Variants in CMIP observed in about 807,000 individuals in gnomAD.
CMIP encodes C-Maf-inducing protein.
CMIP carries 13 observed loss-of-function variants against 97.3 expected under a neutral mutation model. That is an observed-to-expected ratio of 0.13 (90% CI 0.09 to 0.21). CMIP has a LOEUF of 0.21. CMIP is among the 10% of genes least tolerant of loss of function. CMIP has a pLI of 1.00. For missense variants in CMIP, 847 were observed against 1,024.9 expected, an observed-to-expected ratio of 0.83 and a Z score of 2.37; for synonymous variants, 538 against 436.3, an observed-to-expected ratio of 1.23 and a Z score of -2.91.
intron 1 of CMIP, among the ~76,000 whole-genome samples, chr16:81,486,831 A>C (rs549832598): frequency 7.9e-5 from 12 of 152,382 alleles, no homozygotes; most frequent in African/African-American, 2.9e-4. Flanking sequence ...AATGAAGTAA[A>C]TGAGTGAGTT....
At chr16:81,537,631 T>C (rs1415322490) in intron 1 of CMIP, among the ~76,000 whole-genome samples, 1 of 149,852 alleles carries the variant, frequency 6.7e-6, no homozygotes, top group Non-Finnish European at 1.5e-5. Context: ...TTTGAGAAGC[T>C]GAGATGGGAG....
intron 3 of CMIP, among the ~76,000 whole-genome samples, chr16:81,651,793 C>T (rs916858445): frequency 2.6e-5 from 4 of 152,178 alleles, no homozygotes; most frequent in African/African-American, 9.6e-5. Context: ...AGGGCACTGG[C>T]TTGAGAGCCC....
At chr16:81,698,510 G>C (rs1443079597) in intron 14 of CMIP, among the ~76,000 whole-genome samples, 14 of 152,194 alleles carry the variant, frequency 9.2e-5, no homozygotes, top group Non-Finnish European at 5.9e-5. Context: ...AGGCTGCCTA[G>C]AAGTTTCTAC....
intron 13 of CMIP, among the ~76,000 whole-genome samples, chr16:81,694,439 A>T (rs1374005959): frequency 6.6e-6 from 1 of 152,198 alleles, no homozygotes; most frequent in Non-Finnish European, 1.5e-5. Context: ...GGACTTAGCT[A>T]AATGGGTCAA....
intron 1 of CMIP, among the ~76,000 whole-genome samples, chr16:81,495,944 C>G (rs2089482246): frequency 6.6e-6 from 1 of 152,332 alleles, no homozygotes; most frequent in African/African-American, 2.4e-5. Flanking sequence ...CCCAGCTCCC[C>G]CAGCTCCGAG....
chr16:81,529,643 G>A (rs751709631), intron 1 of CMIP, among the ~76,000 whole-genome samples: 1 of 152,230 alleles, frequency 6.6e-6, no homozygotes, highest in Non-Finnish European at 1.5e-5. Context: ...AGGGGGGCCA[G>A]TGTCATCACA....
intron 13 of CMIP, among the ~76,000 whole-genome samples, chr16:81,694,974 G>C (rs887242944): frequency 6.6e-6 from 1 of 152,210 alleles, no homozygotes; most frequent in Non-Finnish European, 1.5e-5. Context: ...TGAAGACAGC[G>C]TCTCAGAATT....
At chr16:81,644,946 A>G (rs1467713480) in intron 3 of CMIP, among the ~76,000 whole-genome samples, 1 of 152,188 alleles carries the variant, frequency 6.6e-6, no homozygotes, top group East Asian at 1.9e-4. Flanking sequence ...GCAAACATGC[A>G]TGCTCCTGGG....
At chr16:81,609,836 A>C (rs759073827) in intron 2 of CMIP, among the ~76,000 whole-genome samples, 2 of 152,166 alleles carry the variant, frequency 1.3e-5, no homozygotes, top group Non-Finnish European at 2.9e-5. Context: ...GGGGCTGTGG[A>C]TATGTCTAGA....
At chr16:81,486,631 G>C (rs1287443211) in intron 1 of CMIP, among the ~76,000 whole-genome samples, 1 of 152,180 alleles carries the variant, frequency 6.6e-6, no homozygotes, top group Non-Finnish European at 1.5e-5. Flanking sequence ...GGTGAGGCTG[G>C]AGTGGGCCGG....
intron 1 of CMIP, among the ~76,000 whole-genome samples, chr16:81,468,770 C>T (rs1418540409): frequency 6.6e-6 from 1 of 152,214 alleles, no homozygotes; most frequent in Non-Finnish European, 1.5e-5. Context: ...TGGGTCCGCT[C>T]AGGCCAGGAG....
chr16:81,597,679 G>A (rs72829087), intron 1 of CMIP, among the ~76,000 whole-genome samples: 26,327 of 151,544 alleles, frequency 0.17, 3,210 homozygotes, highest in East Asian at 0.44. Flanking sequence ...CACCAACTCC[G>A]TGGGGCTCCA....
At position 81,685,476 on chromosome 16, in the gene CMIP, CCTT is replaced by C. The variant is rs768047768; in HGVS notation, c.1389-6298_1389-6296del. On this transcript the variant is annotated intron_variant, in intron 10 of 20. Coordinates refer to ENST00000537098, the MANE Select transcript of CMIP (RefSeq NM_198390.3). ...TCTGATTGTGGGTGATTTCAAATCT[CCTT>C]AGAGTTCTGCATTTCATGACATTTC... 9.2e-5 allele frequency among the ~76,000 whole-genome samples: 14 copies of C among 152,248 alleles called. No individual in the cohort carries two copies. The East Asian group carries it at 9.7e-4, about 11-fold the overall frequency.
chr16:81,637,876 TC>T (rs1011119015), intron 3 of CMIP, among the ~76,000 whole-genome samples: 1 of 152,056 alleles, frequency 6.6e-6, no homozygotes, highest in African/African-American at 2.4e-5. Flanking sequence ...GAGGGCTCGC[TC>T]CCTGCGTCAC....
intron 3 of CMIP, among the ~76,000 whole-genome samples, chr16:81,629,640 C>T (rs1216604756): frequency 4.6e-5 from 7 of 152,222 alleles, no homozygotes; most frequent in Admixed American, 3.9e-4. Flanking sequence ...AGTTCTCCTC[C>T]GAGGCTGCGT....
intron 13 of CMIP, chr16:81,695,493 G>T (rs1487409306): frequency 2.6e-5 from 4 of 152,204 alleles, no homozygotes; most frequent in Non-Finnish European, 5.9e-5. Flanking sequence ...ACAGATTCTT[G>T]GCAGCCAATC....
chr16:81,625,924 G>A (rs1364780688), intron 3 of CMIP, among the ~76,000 whole-genome samples: 2 of 152,262 alleles, frequency 1.3e-5, no homozygotes, highest in Non-Finnish European at 2.9e-5. Flanking sequence ...CCCCAGAGCC[G>A]GGGACCAATG....
chr16:81,554,063 T>C (rs1180205931), intron 1 of CMIP, among the ~76,000 whole-genome samples: 3 of 152,252 alleles, frequency 2.0e-5, no homozygotes, highest in African/African-American at 7.2e-5. Context: ...CCCTCTGTAC[T>C]TTCCATTTAA....
intron 1 of CMIP, among the ~76,000 whole-genome samples, chr16:81,583,239 A>AT (rs2091325839): frequency 1.3e-5 from 2 of 152,204 alleles, no homozygotes; most frequent in Admixed American, 1.3e-4. Context: ...CGGCGACAGC[A>AT]TTGGGCAAGT....
Sources: gnomAD v4.1 joint callset for allele counts (sites outside exome capture counted in the v4.1 genomes callset) on GRCh38, gnomAD v4.1.1 for gene constraint, MANE v1.5 for transcripts, NCBI Gene and HGNC (gene_info 2026-07-23, HGNC 2026-07-21) for gene names.